The following PATL2 variants were observed in gnomAD, a reference collection of about 807,000 sequenced individuals.
PATL2 encodes the protein protein PAT1 homolog 2.
In PATL2, 73 loss-of-function variants were observed where a neutral mutation model predicts 77.0. That is an observed-to-expected ratio of 0.95 (90% CI 0.78 to 1.15). The LOEUF (loss-of-function observed/expected upper bound fraction) is 1.15, where lower values mean the gene tolerates loss of function less well. PATL2 is among the 50% of genes most tolerant of loss of function. The pLI is 0.00. For synonymous variants in PATL2, 265 were observed against 257.1 expected (o/e 1.03, Z -0.29); for missense variants, 618 against 655.4 (o/e 0.94, Z 0.62).
At chr15:44,703,029 A>C (rs1370160844) in intron 3 of PATL2, among the ~76,000 whole-genome samples, 1 of 152,100 alleles carries the variant, frequency 6.6e-6, no homozygotes, top group East Asian at 1.9e-4. Context: ...TAACTCCAGC[A>C]CTTTGGGAGG....
intron 3 of PATL2, among the ~76,000 whole-genome samples, chr15:44,699,374 C>T (rs1164076925): frequency 3.3e-5 from 5 of 152,106 alleles, no homozygotes. Context: ...GACAGGGTCT[C>T]ACTGTGTCAC....
In PATL2 at chr15:44,676,551, C is replaced by T. The variant is rs2085964971; in HGVS notation, c.-61G>A. ...CCTCCAGTGAAACAGCATTGCCAGCCTCTGGAAGGTAAACCTGAGACAAGA... is the reference window on the plus strand; with the variant it reads ...CCTCCAGTGAAACAGCATTGCCAGCTTCTGGAAGGTAAACCTGAGACAAGA... On this transcript the variant is annotated 5_prime_UTR_variant, in exon 4 of 18. Transcript: ENST00000682850. 6 of 1,550,768 alleles carry T rather than the reference C, an allele frequency of 3.9e-6. No individual in the cohort carries two copies. Among genetic ancestry groups the T allele is most frequent in the Non-Finnish European group, 3.5e-6 (4 of 1,146,458 alleles).
At chr15:44,710,473 C>G (rs992068137) in intron 2 of PATL2, among the ~76,000 whole-genome samples, 4 of 152,180 alleles carry the variant, frequency 2.6e-5, no homozygotes, top group Non-Finnish European at 5.9e-5. Context: ...ACGTCCTTGG[C>G]TGGGTCCAAG....
rs1398599647 is a variant in PATL2, at chr15:44,668,419, G to A, written c.1288C>T (p.Leu430Phe). ...CISHLTLHEL[L>F]QGLQGLTLLP... The stretch of plus-strand genomic sequence containing the variant: ...AGCGTTAATCCCTGAAGTCCTTGGA[G>A]GAGTTCGTGGAGGGTCAAGTGACTA... The change falls in exon 15 of 18, where the codon CTC (leucine) becomes TTC (phenylalanine). Residue 430 changes from leucine to phenylalanine, a missense_variant. Leu to Phe is a conservative substitution (Grantham distance 22). Coordinates refer to ENST00000682850, the MANE Select transcript of PATL2 (RefSeq NM_001387263.1). 1 of 1,551,406 alleles carries A rather than the reference G, an allele frequency of 6.4e-7. No homozygotes were observed. The highest frequency in any genetic ancestry group is 2.4e-5 in the East Asian group (1 of 40,924).
At position 44,675,498 on chromosome 15, in the gene PATL2, G is replaced by T. The variant is rs2085907658; in HGVS notation, c.210C>A (p.Val70=). 6.4e-7 allele frequency: 1 copy of T among 1,551,276 alleles called. No homozygotes were observed. Among genetic ancestry groups the T allele is most frequent in the Non-Finnish European group, 8.7e-7 (1 of 1,146,774 alleles). Residue 70 remains valine, a synonymous_variant, in exon 5 of 18, where the codon GTC becomes GTA. Coordinates refer to ENST00000682850, the MANE Select transcript of PATL2 (RefSeq NM_001387263.1). ...TCTGCCATGGTACCTGGGTGTTGTG[G>T]ACAGCACCAAGTACAGCTGGATCCC... ...DLGDPAVLGA[V]HNTQRALLSS...
At chr15:44,671,481 T>A (rs2085672976) in intron 9 of PATL2, among the ~76,000 whole-genome samples, 1 of 148,160 alleles carries the variant, frequency 6.7e-6, no homozygotes, top group African/African-American at 2.5e-5. Flanking sequence ...AGAGGGAGAC[T>A]CTGTCTCAAA....
chr15:44,698,096 T>TAATTTC (rs1166790409), intron 3 of PATL2, among the ~76,000 whole-genome samples: 1 of 151,342 alleles, frequency 6.6e-6, no homozygotes, highest in Non-Finnish European at 1.5e-5. Context: ...TTTTTAATTT[T>TAATTTC]AATTTTATTT....
intron 3 of PATL2, among the ~76,000 whole-genome samples, chr15:44,701,553 G>A (rs2086629407): frequency 6.6e-6 from 1 of 151,604 alleles, no homozygotes; most frequent in African/African-American, 2.4e-5. Context: ...AAAATTAGCT[G>A]GGTGTGGTGG....
At position 44,677,982 on chromosome 15, in the gene PATL2, C is replaced by T. The variant is rs151086734; in HGVS notation, c.-75-1417G>A. Among the ~76,000 whole-genome samples, 294 of 152,176 alleles carry T rather than the reference C, an allele frequency of 1.9e-3. 13 individuals are homozygous for T. In the East Asian group the frequency reaches 0.049, roughly 25 times the overall value. On this transcript the variant is annotated intron_variant, in intron 3 of 17. Transcript: ENST00000682850. The stretch of plus-strand genomic sequence containing the variant: ...CCTCCCGAGTAGCTGGGATTACAGG[C>T]GGCCACCACCATGCCCAGCTAATTT...
chr15:44,671,233 T>C (rs922543380), intron 9 of PATL2, among the ~76,000 whole-genome samples: 1 of 152,186 alleles, frequency 6.6e-6, no homozygotes, highest in Non-Finnish European at 1.5e-5. Flanking sequence ...CTCATGCCTG[T>C]AATCTCAGCA....
intron 3 of PATL2, among the ~76,000 whole-genome samples, chr15:44,684,708 C>T (rs576666631): frequency 1.4e-4 from 22 of 152,238 alleles, no homozygotes; most frequent in African/African-American, 5.3e-4. Context: ...CCCAACCTAG[C>T]AAGACAGGCC....
At chr15:44,701,712 A>T (rs2086633309) in intron 3 of PATL2, among the ~76,000 whole-genome samples, 1 of 151,538 alleles carries the variant, frequency 6.6e-6, no homozygotes. Context: ...AAAAAAAAAA[A>T]AAAAAAAAGA....
chr15:44,672,979 C>T (rs1420644928), intron 7 of PATL2, among the ~76,000 whole-genome samples: 2 of 152,184 alleles, frequency 1.3e-5, no homozygotes, highest in African/African-American at 2.4e-5. Flanking sequence ...AGGCTGGTCT[C>T]GAACTCCTGG....
chr15:44,678,333 G>A (rs1449616461), intron 3 of PATL2, among the ~76,000 whole-genome samples: 1 of 152,184 alleles, frequency 6.6e-6, no homozygotes, highest in Non-Finnish European at 1.5e-5. Context: ...TTTTCATTCT[G>A]AAGGGACTTC....
chr15:44,666,682 T>C (rs2085389092), intron 16 of PATL2, 141 bp from the exon 17 acceptor site: 1 of 838,934 alleles, frequency 1.2e-6, no homozygotes, highest in Non-Finnish European at 1.8e-6. Flanking sequence ...ATTTGCATGT[T>C]TGGTACGTGC....
At position 44,669,027 on chromosome 15, in the gene PATL2, T is replaced by C. The variant is rs2085525117; in HGVS notation, c.1177A>G (p.Ile393Val). Residue 393 changes from isoleucine (I) to valine (V), a missense_variant, in exon 14 of 18, where the codon ATC becomes GTC. By Grantham distance (29) the Ile-to-Val change is conservative. Transcript: ENST00000682850. ...QDQAVTILLA[I>V]THHLPLLVRR... is the part of the protein sequence containing the mutation. ...ACCAGGAGGGGCAGATGGTGGGTGA[T>C]AGCCAAAAGAATGGTAACAGCCTGA... 6 of 1,551,040 alleles carry C rather than the reference T, an allele frequency of 3.9e-6. No individual in the cohort carries two copies. The highest frequency in any genetic ancestry group is 2.4e-5 in the South Asian group (2 of 83,940).
At chr15:44,697,276 CTTCTTCTTCT>C (rs987171658) in intron 3 of PATL2, 2 of 151,942 alleles carry the variant, frequency 1.3e-5, no homozygotes, top group African/African-American at 4.8e-5. Context: ...ATTCTTCTTC[CTTCTTCTTCT>C]TTCTTCTTCC....
intron 3 of PATL2, among the ~76,000 whole-genome samples, chr15:44,708,634 T>C (rs1456602985): frequency 6.6e-6 from 1 of 152,220 alleles, no homozygotes; most frequent in East Asian, 1.9e-4. Context: ...GTATCAACAG[T>C]TTATTCCTTG....
chr15:44,668,440 G>C lies in PATL2; in HGVS notation c.1267C>G (p.His423Asp). The stretch of plus-strand genomic sequence containing the variant: ...TGGAGGAGTTCGTGGAGGGTCAAGT[G>C]ACTAATACATTTGCCCAGAGGTTTG... Reference protein sequence around the residue: ...LFKPLGKCISHLTLHELLQGL... With the variant: ...LFKPLGKCISDLTLHELLQGL... Residue 423 changes from histidine (H) to aspartate (D), a missense_variant, in exon 15 of 18, where the codon CAC becomes GAC. Physicochemically the swap from His to Asp is moderately conservative, Grantham distance 81. Transcript: ENST00000682850. 6.4e-7 allele frequency: 1 copy of C among 1,551,360 alleles called. No homozygotes were observed.
Sources: gnomAD v4.1 joint callset for allele counts (sites outside exome capture counted in the v4.1 genomes callset) on GRCh38, gnomAD v4.1.1 for gene constraint, MANE v1.5 for transcripts, NCBI Gene and HGNC (gene_info 2026-07-23, HGNC 2026-07-21) for gene names.